CHRM3: variants seen among roughly 807,000 people sequenced by gnomAD.
CHRM3 encodes the protein cholinergic receptor muscarinic 3.
A neutral mutation model predicts 41.8 loss-of-function variants in CHRM3; 11 were observed. That is an observed-to-expected ratio of 0.26 (90% CI 0.17 to 0.44). CHRM3 has a LOEUF of 0.44. Among genes scored for constraint, CHRM3 ranks in the 20% least tolerant of loss-of-function variants. The pLI is 1.00. For synonymous variants in CHRM3, 297 were observed against 301.4 expected, an observed-to-expected ratio of 0.99 and a Z score of 0.15; for missense variants, 571 against 745.4, an observed-to-expected ratio of 0.77 and a Z score of 2.72.
intron 5 of CHRM3, among the ~76,000 whole-genome samples, chr1:239,746,287 A>G (rs1262138992): frequency 6.6e-6 from 1 of 152,232 alleles, no homozygotes; most frequent in Non-Finnish European, 1.5e-5. Flanking sequence ...GTGTAAAGCC[A>G]TATTTCTTGC....
intron 4 of CHRM3, among the ~76,000 whole-genome samples, chr1:239,656,899 T>C (rs192329988): frequency 5.1e-4 from 78 of 152,316 alleles, no homozygotes; most frequent in African/African-American, 1.9e-3. Flanking sequence ...TTTTCTTCTA[T>C]ACCAATGGTT....
intron 5 of CHRM3, among the ~76,000 whole-genome samples, chr1:239,768,229 A>C (rs1028762017): frequency 6.6e-6 from 1 of 152,214 alleles, no homozygotes; most frequent in Admixed American, 6.5e-5. Context: ...GGTAACGTAA[A>C]TTCTTTCTCC....
In CHRM3 at chr1:239,682,797, C is replaced by T. The variant is rs1286023986; in HGVS notation, c.-147+4509C>T. Among the ~76,000 whole-genome samples, 3 of 152,248 alleles carry T rather than the reference C, an allele frequency of 2.0e-5. No homozygotes were observed. The East Asian group carries it at 5.8e-4, about 29-fold the overall frequency. ...ATATATGTTTGTTAATGTCTACTTA[C>T]TGTTTAGCAAAATTTTTTTGTATCT... On this transcript the variant is annotated intron_variant, in intron 5 of 6. Transcript: ENST00000676153.
chr1:239,663,167 C>T (rs1673438297), intron 4 of CHRM3, among the ~76,000 whole-genome samples: 1 of 152,040 alleles, frequency 6.6e-6, no homozygotes, highest in Non-Finnish European at 1.5e-5. Flanking sequence ...GTTCTGCCCA[C>T]TCTGCTGCCT....
intron 2 of CHRM3, among the ~76,000 whole-genome samples, chr1:239,502,379 T>C (rs915242646): frequency 6.6e-6 from 1 of 151,880 alleles, no homozygotes; most frequent in African/African-American, 2.4e-5. Flanking sequence ...CTAGCTTAAT[T>C]CAGGAAGAAT....
chr1:239,409,693 T>C (rs905924572), intron 1 of CHRM3, among the ~76,000 whole-genome samples: 3 of 152,128 alleles, frequency 2.0e-5, no homozygotes, highest in Non-Finnish European at 4.4e-5. Flanking sequence ...TAGCGGAATG[T>C]GCACTTTGGG....
intron 3 of CHRM3, among the ~76,000 whole-genome samples, chr1:239,601,991 TAA>T (rs1558360697): frequency 6.6e-6 from 1 of 151,452 alleles, no homozygotes; most frequent in Non-Finnish European, 1.5e-5. Flanking sequence ...ATATTTTTAC[TAA>T]GAGGAGCCAC....
chr1:239,769,706 A>AC (rs11388875), intron 5 of CHRM3, among the ~76,000 whole-genome samples: 111,292 of 151,872 alleles, frequency 0.73, 41,144 homozygotes, highest in African/African-American at 0.76. Context: ...ACATAGCGAA[A>AC]CCCATCTCTA....
chr1:239,512,600 C>T (rs139994440), intron 2 of CHRM3, among the ~76,000 whole-genome samples: 77 of 152,108 alleles, frequency 5.1e-4, no homozygotes, highest in Middle Eastern at 3.4e-3. Context: ...CTTCCTTGTA[C>T]CCTTTCTTCT....
intron 6 of CHRM3, among the ~76,000 whole-genome samples, chr1:239,886,772 A>G (rs1296524298): frequency 6.6e-6 from 1 of 152,134 alleles, no homozygotes; most frequent in Admixed American, 6.5e-5. Flanking sequence ...ATATGGTACC[A>G]TTTGTCACAA....
rs1238988767 is a variant in CHRM3 at position 239,912,699 on chromosome 1, A to T, written c.*3475A>T. 6.0e-6 allele frequency: 1 copy of T among 167,214 alleles called. No homozygotes were observed. Among genetic ancestry groups the T allele is most frequent in the Admixed American group, 6.5e-5 (1 of 15,292 alleles). 10.4% of individuals were successfully genotyped at this position (167,214 alleles called of 1,614,324 possible). ...CGGAGAAGTCTAATACCAGAGTGGC[A>T]CAGAGAAGGATTCCAGGGATCAGTC... On this transcript the variant is annotated 3_prime_UTR_variant, in exon 7 of 7. Coordinates refer to ENST00000676153, the MANE Select transcript of CHRM3 (RefSeq NM_001375978.1).
At chr1:239,439,612 A>G (rs1663548561) in intron 1 of CHRM3, among the ~76,000 whole-genome samples, 2 of 152,232 alleles carry the variant, frequency 1.3e-5, no homozygotes, top group African/African-American at 2.4e-5. Flanking sequence ...GGAGAAAGCA[A>G]TCAACCAATC....
intron 1 of CHRM3, among the ~76,000 whole-genome samples, chr1:239,431,587 G>A (rs1310580219): frequency 6.6e-6 from 1 of 152,094 alleles, no homozygotes; most frequent in Non-Finnish European, 1.5e-5. Flanking sequence ...TAAGTTCCCT[G>A]AGATCCCCAC....
intron 2 of CHRM3, among the ~76,000 whole-genome samples, chr1:239,534,595 G>A (rs1658011415): frequency 6.6e-6 from 1 of 152,100 alleles, no homozygotes; most frequent in Non-Finnish European, 1.5e-5. Flanking sequence ...GATTTTAAAA[G>A]GATTCTCTGA....
intron 3 of CHRM3, among the ~76,000 whole-genome samples, chr1:239,579,513 TA>T (rs1170973007): frequency 6.6e-6 from 1 of 152,180 alleles, no homozygotes; most frequent in Non-Finnish European, 1.5e-5. Flanking sequence ...ATTCTTTGAG[TA>T]CCTATAAAGG....
intron 5 of CHRM3, among the ~76,000 whole-genome samples, chr1:239,742,174 G>T (rs1174891646): frequency 6.6e-6 from 1 of 151,960 alleles, no homozygotes; most frequent in East Asian, 1.9e-4. Context: ...ACATATTTAT[G>T]TTAGAAAATA....
chr1:239,485,683 C>T (rs1370439450), intron 1 of CHRM3, among the ~76,000 whole-genome samples: 6 of 152,106 alleles, frequency 3.9e-5, no homozygotes, highest in Non-Finnish European at 2.9e-5. Flanking sequence ...GAGATTTCCT[C>T]ACTTAGATTT....
chr1:239,648,788 T>C (rs1238616679), intron 4 of CHRM3, among the ~76,000 whole-genome samples: 1 of 152,132 alleles, frequency 6.6e-6, no homozygotes. Flanking sequence ...GATGATAAAT[T>C]TTTATATGTA....
chr1:239,677,515 G>C (rs1413253761), intron 4 of CHRM3, among the ~76,000 whole-genome samples: 1 of 152,188 alleles, frequency 6.6e-6, no homozygotes, highest in East Asian at 1.9e-4. Context: ...GGGCTGGGAA[G>C]TCTAAGATCA....
Sources: allele counts gnomAD v4.1 joint callset (sites outside exome capture counted in the v4.1 genomes callset), GRCh38; gene constraint gnomAD v4.1.1; transcripts MANE v1.5; gene names NCBI Gene and HGNC (gene_info 2026-07-23, HGNC 2026-07-21).